PTPRD: variants seen among roughly 807,000 people sequenced by gnomAD.
The protein encoded by PTPRD is receptor-type tyrosine-protein phosphatase delta.
In PTPRD, 34 loss-of-function variants were observed where a neutral mutation model predicts 214.5. The observed-to-expected ratio is 0.16, with a 90% CI of 0.12 to 0.21. The LOEUF is 0.21. Among genes scored for constraint, PTPRD ranks in the 10% least tolerant of loss-of-function variants. The pLI, the probability that PTPRD is intolerant of heterozygous loss-of-function variation, is 1.00. For synonymous variants in PTPRD, 1,128 were observed against 845.7 expected, an observed-to-expected ratio of 1.33 and a Z score of -5.79; for missense variants, 2,545 against 2,398.7, an observed-to-expected ratio of 1.06 and a Z score of -1.27.
chr9:10,278,936 G>A (rs1303561622), intron 3 of PTPRD, among the ~76,000 whole-genome samples: 2 of 151,876 alleles, frequency 1.3e-5, no homozygotes, highest in Non-Finnish European at 2.9e-5. Context: ...CACCACGCCA[G>A]GCTAATTTTT....
rs1019046344 is a variant in PTPRD at position 8,528,891 on chromosome 9, C to T, written c.353-112G>A. On this transcript the variant is annotated intron_variant, in intron 14 of 45. Transcript: ENST00000381196. ...TACTCAGTGCTTGTTGAGAACCTAA[C>T]ACAAACCAGGCACTAATAAATTAGA... is the stretch of plus-strand genomic sequence containing the variant. The T allele has an allele frequency of 2.1e-5, 21 of 977,928 alleles. No homozygotes were observed. The African/African-American group carries it at 2.5e-4, about 11-fold the overall frequency. 60.6% of individuals were successfully genotyped at this position (977,928 alleles called of 1,614,324 possible).
rs115845746 is a variant in PTPRD at position 10,120,466 on chromosome 9, T to C, written c.-544-86676A>G. ...TCACACAAATCATAAGATCTCAGTC[T>C]ACGTCCTCTGAAAACAGTCTTTCAT... On this transcript the variant is annotated intron_variant, in intron 3 of 45. Transcript: ENST00000381196. Among the ~76,000 whole-genome samples the C allele has an allele frequency of 4.4e-3, 669 of 152,156 alleles. 5 individuals carry two copies. The highest frequency in any genetic ancestry group is 0.015 in the African/African-American group (643 of 41,564).
chr9:9,864,324 A>G (rs76441992), intron 5 of PTPRD, among the ~76,000 whole-genome samples: 5,124 of 150,446 alleles, frequency 0.034, 279 homozygotes, highest in African/African-American at 0.12. Flanking sequence ...GAAAAAGAGA[A>G]AGATTAAAAA....
At position 8,561,068 on chromosome 9, in the gene PTPRD, A is replaced by C. The variant is rs111629051; in HGVS notation, c.353-32289T>G. On this transcript the variant is annotated intron_variant, in intron 14 of 45. Coordinates refer to ENST00000381196, the MANE Select transcript of PTPRD (RefSeq NM_002839.4). The stretch of plus-strand genomic sequence containing the variant: ...TTAAAGCCTGAAAGCCAAGCTAAAA[A>C]TTAAATCCTTGGACCAGACTGAGAA... 6.8e-3 allele frequency among the ~76,000 whole-genome samples: 1,038 copies of C among 152,318 alleles called. 14 individuals carry two copies. Among genetic ancestry groups the C allele is most frequent in the African/African-American group, 0.024 (991 of 41,578 alleles).
At chr9:9,970,945 T>A (rs1384544503) in intron 4 of PTPRD, among the ~76,000 whole-genome samples, 1 of 152,192 alleles carries the variant, frequency 6.6e-6, no homozygotes, top group Non-Finnish European at 1.5e-5. Flanking sequence ...AAATTTAAAT[T>A]TTCAGCTTTG....
At chr9:8,902,944 G>A (rs532091132) in intron 11 of PTPRD, among the ~76,000 whole-genome samples, 1 of 152,056 alleles carries the variant, frequency 6.6e-6, no homozygotes, top group African/African-American at 2.4e-5. Context: ...TGTTTGTTTT[G>A]TTGTTTAGTG....
At chr9:10,180,319 T>C (rs930797063) in intron 3 of PTPRD, among the ~76,000 whole-genome samples, 1 of 151,962 alleles carries the variant, frequency 6.6e-6, no homozygotes, top group African/African-American at 2.4e-5. Context: ...AAAGCCAAAG[T>C]TCTAAAAGTA....
intron 14 of PTPRD, among the ~76,000 whole-genome samples, chr9:8,577,021 C>G (rs1564465677): frequency 6.6e-6 from 1 of 152,070 alleles, no homozygotes; most frequent in South Asian, 2.1e-4. Flanking sequence ...GCAGCTAGAG[C>G]CAAGCTTCAA....
intron 39 of PTPRD, among the ~76,000 whole-genome samples, chr9:8,349,062 T>G (rs878861849): frequency 1.3e-5 from 2 of 150,782 alleles, no homozygotes; most frequent in African/African-American, 4.9e-5. Flanking sequence ...AAAAAAAATT[T>G]AAAAAACTTT....
chr9:8,358,924 G>T (rs959941315), intron 39 of PTPRD, among the ~76,000 whole-genome samples: 1 of 150,848 alleles, frequency 6.6e-6, no homozygotes, highest in Non-Finnish European at 1.5e-5. Flanking sequence ...TGGCTAACAC[G>T]GTGAAACCCC....
At chr9:9,073,756 A>G (rs1479205125) in intron 10 of PTPRD, among the ~76,000 whole-genome samples, 1 of 152,200 alleles carries the variant, frequency 6.6e-6, no homozygotes, top group Non-Finnish European at 1.5e-5. Flanking sequence ...GTATATATGT[A>G]TATCCTATTG....
At chr9:10,083,581 T>C (rs1400140071) in intron 3 of PTPRD, among the ~76,000 whole-genome samples, 1 of 151,946 alleles carries the variant, frequency 6.6e-6, no homozygotes, top group East Asian at 1.9e-4. Context: ...TAAATGCAAA[T>C]TCAGGTTATT....
At chr9:10,483,368 C>T (rs2099112874) in intron 2 of PTPRD, among the ~76,000 whole-genome samples, 2 of 151,796 alleles carry the variant, frequency 1.3e-5, no homozygotes, top group South Asian at 4.1e-4. Flanking sequence ...GGATACTGGC[C>T]TAGGCAAATA....
intron 27 of PTPRD, among the ~76,000 whole-genome samples, chr9:8,488,587 A>T (rs550142795): frequency 6.6e-6 from 1 of 152,318 alleles, no homozygotes; most frequent in African/African-American, 2.4e-5. Context: ...ACCAACACAC[A>T]CTCTCAGAAC....
chr9:9,830,555 G>A (rs1366578053), intron 5 of PTPRD, among the ~76,000 whole-genome samples: 1 of 151,876 alleles, frequency 6.6e-6, no homozygotes, highest in African/African-American at 2.4e-5. Context: ...CAAATGAGAA[G>A]TAGAGTTCAC....
In PTPRD at chr9:9,447,309, A is replaced by G. The variant is rs187589370; in HGVS notation, c.-236-49827T>C. On this transcript the variant is annotated intron_variant, in intron 8 of 45. Coordinates refer to ENST00000381196, the MANE Select transcript of PTPRD (RefSeq NM_002839.4). ...GACTGGATAAGTAAATGTGCTATATATGTACCCCATGGAATATTAGACAGC... is the reference window on the plus strand; with the variant it reads ...GACTGGATAAGTAAATGTGCTATATGTGTACCCCATGGAATATTAGACAGC... Among the ~76,000 whole-genome samples the G allele has an allele frequency of 1.2e-4, 18 of 152,236 alleles. No individual in the cohort carries two copies. In the East Asian group the frequency reaches 3.5e-3, roughly 30 times the overall value.
chr9:9,226,984 T>G (rs1428752719), intron 9 of PTPRD, among the ~76,000 whole-genome samples: 1 of 152,128 alleles, frequency 6.6e-6, no homozygotes, highest in African/African-American at 2.4e-5. Flanking sequence ...TGATAGATAT[T>G]GTTAGATACT....
chr9:10,211,787 G>C (rs2099518296), intron 3 of PTPRD, among the ~76,000 whole-genome samples: 1 of 152,014 alleles, frequency 6.6e-6, no homozygotes, highest in Non-Finnish European at 1.5e-5. Flanking sequence ...ATAGGCATTG[G>C]GAAATCGGAA....
intron 9 of PTPRD, among the ~76,000 whole-genome samples, chr9:9,260,230 A>C (rs2099979485): frequency 6.6e-6 from 1 of 151,850 alleles, no homozygotes; most frequent in Non-Finnish European, 1.5e-5. Flanking sequence ...GGCTGAATAA[A>C]AGCAAACTCC....
Sources: gnomAD v4.1 joint callset for allele counts (sites outside exome capture counted in the v4.1 genomes callset) on GRCh38, gnomAD v4.1.1 for gene constraint, MANE v1.5 for transcripts, NCBI Gene and HGNC (gene_info 2026-07-23, HGNC 2026-07-21) for gene names.